Variants in RALGPS2 observed in about 807,000 individuals in gnomAD.
RALGPS2 encodes Ral GEF with PH domain and SH3 binding motif 2.
RALGPS2 carries 43 observed loss-of-function variants against 86.8 expected under a neutral mutation model. The observed-to-expected ratio is 0.50, with a 90% confidence interval of 0.39 to 0.64. The LOEUF (loss-of-function observed/expected upper bound fraction) is 0.64, where lower values mean the gene tolerates loss of function less well. RALGPS2 is among the 30% of genes least tolerant of loss of function. The pLI is 0.00. For synonymous variants in RALGPS2, 243 were observed against 231.3 expected, an observed-to-expected ratio of 1.05 and a Z score of -0.46; for missense variants, 536 against 694.6, an observed-to-expected ratio of 0.77 and a Z score of 2.57.
chr1:178,913,688 ACT>A (rs1168802205), intron 19 of RALGPS2, among the ~76,000 whole-genome samples: 1 of 151,984 alleles, frequency 6.6e-6, no homozygotes. Context: ...TCAGGGTTTG[ACT>A]GTGGTATAAG....
intron 8 of RALGPS2, among the ~76,000 whole-genome samples, chr1:178,859,349 C>G (rs1657800237): frequency 6.6e-6 from 1 of 151,066 alleles, no homozygotes; most frequent in African/African-American, 2.4e-5. Context: ...TAAAATAAGC[C>G]TACCACTAAA....
intron 16 of RALGPS2, among the ~76,000 whole-genome samples, chr1:178,895,298 A>C (rs1366610650): frequency 6.6e-6 from 1 of 152,078 alleles, no homozygotes; most frequent in Non-Finnish European, 1.5e-5. Flanking sequence ...AGCCAAAGGC[A>C]CATACAAATC....
At chr1:178,800,042 A>G (rs2102169255) in intron 4 of RALGPS2, among the ~76,000 whole-genome samples, 1 of 152,346 alleles carries the variant, frequency 6.6e-6, no homozygotes, top group East Asian at 1.9e-4. Context: ...TCTTGGAGAA[A>G]TTCAAGAGCT....
chr1:178,898,949 G>A (rs1660054067), intron 17 of RALGPS2, among the ~76,000 whole-genome samples: 1 of 151,896 alleles, frequency 6.6e-6, no homozygotes, highest in African/African-American at 2.4e-5. Context: ...GTGAGAAAAA[G>A]GTTGGATTCA....
At chr1:178,870,891 CT>C (rs1300303252) in intron 8 of RALGPS2, 6 of 152,124 alleles carry the variant, frequency 3.9e-5, no homozygotes. Flanking sequence ...GAAGGAACTT[CT>C]TTTTCCTTTT....
intron 8 of RALGPS2, chr1:178,868,972 C>G (rs1658582823): frequency 6.6e-6 from 1 of 151,900 alleles, no homozygotes. Flanking sequence ...TGAAAACATT[C>G]TCTTATTTAA....
intron 19 of RALGPS2, among the ~76,000 whole-genome samples, chr1:178,915,934 G>A (rs1393073977): frequency 6.6e-6 from 1 of 152,054 alleles, no homozygotes; most frequent in Non-Finnish European, 1.5e-5. Flanking sequence ...TATGCACCTA[G>A]GAATTTTTGT....
In RALGPS2 at chr1:178,918,977, A is replaced by G. The variant is rs1660897927; in HGVS notation, c.*2618A>G. 1 of 152,082 alleles carries G rather than the reference A, an allele frequency of 6.6e-6. No homozygotes were observed. The highest frequency in any genetic ancestry group is 1.5e-5 in the Non-Finnish European group (1 of 67,924). The allele number at this position is 152,082 out of a possible 1,614,324, so 9.4% of individuals were successfully genotyped here. On this transcript the variant is annotated 3_prime_UTR_variant, in exon 20 of 20. Transcript: ENST00000367635. ...AGGTCATTTGTTTCACCCTTAGCCA[A>G]GAAGAACTCATTAGAAATTCAGTTA...
intron 1 of RALGPS2, among the ~76,000 whole-genome samples, chr1:178,743,866 A>G (rs936562576): frequency 6.6e-6 from 1 of 152,204 alleles, no homozygotes; most frequent in African/African-American, 2.4e-5. Context: ...ATATTTCCAC[A>G]CCAAAAAAAA....
chr1:178,827,696 A>G (rs1406377898), intron 7 of RALGPS2, among the ~76,000 whole-genome samples: 1 of 152,164 alleles, frequency 6.6e-6, no homozygotes, highest in Non-Finnish European at 1.5e-5. Flanking sequence ...CGCCCGGCCC[A>G]TACTCTCTGA....
chr1:178,862,646 G>T (rs911198212), intron 8 of RALGPS2, among the ~76,000 whole-genome samples: 1 of 151,742 alleles, frequency 6.6e-6, no homozygotes, highest in East Asian at 1.9e-4. Context: ...TGGTTGGTTG[G>T]TTGGTTTGGC....
At chr1:178,736,162 G>GTTTTTTTTTTTTTT (rs1409494738) in intron 1 of RALGPS2, among the ~76,000 whole-genome samples, 1 of 147,170 alleles carries the variant, frequency 6.8e-6, no homozygotes, top group African/African-American at 2.5e-5. Flanking sequence ...TAATTTGTGG[G>GTTTTTTTTTTTTTT]TTGTTTTTTT....
chr1:178,787,115 A>C (rs1382403320), intron 4 of RALGPS2, among the ~76,000 whole-genome samples: 1 of 152,090 alleles, frequency 6.6e-6, no homozygotes, highest in Non-Finnish European at 1.5e-5. Flanking sequence ...AAATGGCAAA[A>C]AGAAAAAACC....
chr1:178,896,416 T>C (rs1379747288), intron 16 of RALGPS2, among the ~76,000 whole-genome samples: 2 of 151,892 alleles, frequency 1.3e-5, no homozygotes, highest in South Asian at 4.2e-4. Flanking sequence ...GGGAGAGAGA[T>C]TGAGAAGCAA....
chr1:178,907,075 C>T (rs1241935213), intron 19 of RALGPS2, among the ~76,000 whole-genome samples: 2 of 152,174 alleles, frequency 1.3e-5, no homozygotes, highest in Non-Finnish European at 2.9e-5. Context: ...AAATTTCGAA[C>T]AGTCAGAACT....
chr1:178,725,269 C>CAGG lies in RALGPS2; in HGVS notation c.-234_-233insAGG, dbSNP rs56112467. On this transcript the variant is annotated 5_prime_UTR_variant, in exon 1 of 20. Coordinates refer to ENST00000367635, the MANE Select transcript of RALGPS2 (RefSeq NM_152663.5). Reference sequence around the variant, plus strand: ...ACTCTCCTCCCCCGAGCGGCAGCGGCGGCGGCGGCGGCGGCTGCTGCGGGC... The same window carrying CAGG: ...ACTCTCCTCCCCCGAGCGGCAGCGGCAGGGGCGGCGGCGGCGGCTGCTGCGGGC... 5.7e-6 allele frequency: 1 copy of CAGG among 174,838 alleles called. No individual in the cohort carries two copies. Among genetic ancestry groups the CAGG allele is most frequent in the South Asian group, 1.3e-4 (1 of 7,598 alleles). 10.8% of individuals were successfully genotyped at this position (174,838 alleles called of 1,614,324 possible).
chr1:178,881,702 T>C (rs10913635), intron 10 of RALGPS2, among the ~76,000 whole-genome samples: 30,473 of 152,096 alleles, frequency 0.2, 4,859 homozygotes, highest in African/African-American at 0.45. Flanking sequence ...TCACCAGCTT[T>C]GGCCTCCCAA....
chr1:178,765,567 AT>A (rs1553260573), intron 1 of RALGPS2, among the ~76,000 whole-genome samples: 1 of 152,190 alleles, frequency 6.6e-6, no homozygotes, highest in Non-Finnish European at 1.5e-5. Context: ...TCGGGCACGC[AT>A]TGTCATTGAT....
rs569291117 is a variant in RALGPS2 at position 178,779,144 on chromosome 1, C to T, written c.57+2323C>T. ...CATATATTAGAGGAAACAAAAGAAC[C>T]GTTAGGCTGGAATGTTGTAAGGGCT... On this transcript the variant is annotated intron_variant, in intron 2 of 19. Coordinates refer to ENST00000367635, the MANE Select transcript of RALGPS2 (RefSeq NM_152663.5). 4.6e-5 allele frequency among the ~76,000 whole-genome samples: 7 copies of T among 152,192 alleles called. No homozygotes were observed. The South Asian group carries it at 8.3e-4, about 18-fold the overall frequency.
Sources: allele counts gnomAD v4.1 joint callset (sites outside exome capture counted in the v4.1 genomes callset), GRCh38; gene constraint gnomAD v4.1.1; transcripts MANE v1.5; gene names NCBI Gene and HGNC (gene_info 2026-07-23, HGNC 2026-07-21).